The following SPATA6 variants were observed in gnomAD, a reference collection of about 807,000 sequenced individuals.
SPATA6 encodes the protein spermatogenesis associated 6, also known as spermatogenesis-associated protein 6.
A neutral mutation model predicts 65.3 loss-of-function variants in SPATA6; 56 were observed. The observed-to-expected ratio is 0.86, with a 90% CI of 0.69 to 1.07. SPATA6 has a LOEUF of 1.07. SPATA6 is among the 50% of genes least tolerant of loss of function. The pLI is 0.00. For missense variants in SPATA6, 590 were observed against 594.8 expected (o/e 0.99, Z 0.08); for synonymous variants, 199 against 213.2 (o/e 0.93, Z 0.58).
At chr1:48,445,902 T>C (rs1656006238) in intron 3 of SPATA6, among the ~76,000 whole-genome samples, 1 of 152,046 alleles carries the variant, frequency 6.6e-6, no homozygotes, top group Admixed American at 6.5e-5. Flanking sequence ...TTTGCTGCCA[T>C]AAATTAGGTT....
Position 48,297,392 on chromosome 1 carries a change from A to C in SPATA6, c.*1321T>G, listed in dbSNP as rs1191667154. 6.6e-6 allele frequency: 1 copy of C among 152,134 alleles called. No homozygotes were observed. The highest frequency in any genetic ancestry group is 1.5e-5 in the Non-Finnish European group (1 of 68,006). 9.4% of individuals were successfully genotyped at this position (152,134 alleles called of 1,614,324 possible). A position where few individuals can be genotyped will look rare whatever the true frequency, so the allele number is the denominator to read the frequency against. On this transcript the variant is annotated 3_prime_UTR_variant, in exon 13 of 13. Coordinates refer to ENST00000371847, the MANE Select transcript of SPATA6 (RefSeq NM_019073.4). ...CTAAAGCCTAGGACTCCTGGCTCATAGAGATAGCTCTAATGCCCTTTCTGA... is the reference window on the plus strand; with the variant it reads ...CTAAAGCCTAGGACTCCTGGCTCATCGAGATAGCTCTAATGCCCTTTCTGA...
At chr1:48,387,139 A>G (rs1649558649) in intron 8 of SPATA6, among the ~76,000 whole-genome samples, 1 of 152,044 alleles carries the variant, frequency 6.6e-6, no homozygotes, top group South Asian at 2.1e-4. Context: ...TGTGCAGGGG[A>G]ACTCCTCTTT....
intron 9 of SPATA6, among the ~76,000 whole-genome samples, chr1:48,366,099 T>C (rs1430630102): frequency 5.9e-5 from 9 of 152,354 alleles, no homozygotes; most frequent in Non-Finnish European, 8.8e-5. Context: ...ATTACATTTA[T>C]TGATTTGCGT....
chr1:48,400,200 TAC>T (rs1342431958), intron 6 of SPATA6, among the ~76,000 whole-genome samples: 1 of 151,864 alleles, frequency 6.6e-6, no homozygotes, highest in East Asian at 1.9e-4. Context: ...TGGATTGTAA[TAC>T]ACACTTTTAA....
intron 8 of SPATA6, among the ~76,000 whole-genome samples, chr1:48,389,609 TG>T (rs1649842250): frequency 1.3e-5 from 2 of 152,110 alleles, no homozygotes; most frequent in Admixed American, 1.3e-4. Context: ...AGACCAGGAA[TG>T]GGATGATAAA....
chr1:48,294,935 A>G (rs1196146918), downstream of SPATA6, among the ~76,000 whole-genome samples: 2 of 152,168 alleles, frequency 1.3e-5, no homozygotes, highest in Non-Finnish European at 2.9e-5. Context: ...GAAGGCCTTT[A>G]TCCCCATTCT....
intron 11 of SPATA6, among the ~76,000 whole-genome samples, chr1:48,309,231 A>T (rs928927064): frequency 6.6e-6 from 1 of 151,906 alleles, no homozygotes; most frequent in Non-Finnish European, 1.5e-5. Flanking sequence ...TGGAATTCTT[A>T]TTACAGTATG....
intron 10 of SPATA6, among the ~76,000 whole-genome samples, chr1:48,356,300 A>G (rs1646657834): frequency 6.6e-6 from 1 of 152,018 alleles, no homozygotes; most frequent in South Asian, 2.1e-4. Flanking sequence ...TAAAGATATG[A>G]AAGAAGAAAC....
chr1:48,343,914 T>A (rs1248198081), intron 11 of SPATA6, among the ~76,000 whole-genome samples: 1 of 151,922 alleles, frequency 6.6e-6, no homozygotes, highest in Non-Finnish European at 1.5e-5. Context: ...CCCCAGTTAA[T>A]AACAGTAGAA....
the SPATA6 span, among the ~76,000 whole-genome samples, chr1:48,274,838 A>G: frequency 6.6e-6 from 1 of 152,242 alleles, no homozygotes; most frequent in Non-Finnish European, 1.5e-5. Flanking sequence ...TTATGGTTCC[A>G]TATGAAATTT....
chr1:48,397,695 G>GA (rs571750629), intron 7 of SPATA6, among the ~76,000 whole-genome samples: 14 of 151,230 alleles, frequency 9.3e-5, no homozygotes, highest in Non-Finnish European at 2.1e-4. Flanking sequence ...GGCTATGGAG[G>GA]AAAAAAAATC....
intron 9 of SPATA6, among the ~76,000 whole-genome samples, chr1:48,384,602 T>A (rs1331142079): frequency 1.3e-5 from 2 of 152,054 alleles, no homozygotes; most frequent in Non-Finnish European, 2.9e-5. Context: ...AGATTTTACA[T>A]GGCACATGAA....
intron 8 of SPATA6, among the ~76,000 whole-genome samples, chr1:48,385,614 G>A (rs1436349813): frequency 2.0e-5 from 3 of 152,068 alleles, no homozygotes; most frequent in African/African-American, 7.2e-5. Flanking sequence ...ACTTTTAGTC[G>A]ATAAACCAAT....
intron 3 of SPATA6, among the ~76,000 whole-genome samples, chr1:48,440,603 G>A (rs1432131288): frequency 1.3e-5 from 2 of 152,126 alleles, no homozygotes; most frequent in Non-Finnish European, 2.9e-5. Flanking sequence ...AAGGACTAAG[G>A]AAAATTAGGG....
rs866435175 is a variant in SPATA6, at chr1:48,411,589, C to T, written c.281-1G>A. ...TCATACGTAGACAGTGTTTCACCCA[C>T]TACAAGAAAGATACCCTATGATTCA... On this transcript the variant is annotated splice_acceptor_variant, in intron 4 of 12. Transcript: ENST00000371847. LOFTEE classifies it high-confidence loss of function. 3.7e-5 allele frequency: 58 copies of T among 1,560,012 alleles called. No individual in the cohort carries two copies. The Middle Eastern group carries it at 5.0e-3, about 133-fold the overall frequency.
At chr1:48,419,709 A>G (rs781566661) in intron 3 of SPATA6, among the ~76,000 whole-genome samples, 1 of 152,154 alleles carries the variant, frequency 6.6e-6, no homozygotes, top group East Asian at 1.9e-4. Flanking sequence ...TATTATCTCA[A>G]TTTTGGTCAG....
intron 11 of SPATA6, among the ~76,000 whole-genome samples, chr1:48,315,777 A>G (rs1645395472): frequency 2.0e-5 from 3 of 152,210 alleles, no homozygotes; most frequent in Admixed American, 2.0e-4. Flanking sequence ...ACATGATTGT[A>G]TATCTAGAAA....
At chr1:48,422,994 A>G (rs1403060542) in intron 3 of SPATA6, among the ~76,000 whole-genome samples, 1 of 152,214 alleles carries the variant, frequency 6.6e-6, no homozygotes, top group Non-Finnish European at 1.5e-5. Context: ...CATACAATGT[A>G]ATACTAAACA....
rs1268112590 is a variant in SPATA6, at chr1:48,298,156, T to C, written c.*557A>G. The C allele has an allele frequency of 6.6e-6, 1 of 152,208 alleles. No homozygotes were observed. The highest frequency in any genetic ancestry group is 1.5e-5 in the Non-Finnish European group (1 of 68,038). 9.4% of individuals were successfully genotyped at this position (152,208 alleles called of 1,614,324 possible). A position where few individuals can be genotyped will look rare whatever the true frequency, so the allele number is the denominator to read the frequency against. ...GAAAAAGGAGTGAATGATCATATAG[T>C]CTTTAAAAAGAAAGCCTATGAGCTA... On this transcript the variant is annotated 3_prime_UTR_variant, in exon 13 of 13. Coordinates refer to ENST00000371847, the MANE Select transcript of SPATA6 (RefSeq NM_019073.4).
Sources: gnomAD v4.1 joint callset for allele counts (sites outside exome capture counted in the v4.1 genomes callset) on GRCh38, gnomAD v4.1.1 for gene constraint, MANE v1.5 for transcripts, NCBI Gene and HGNC (gene_info 2026-07-23, HGNC 2026-07-21) for gene names.